The following NAV3 variants were observed in gnomAD, a reference collection of about 807,000 sequenced individuals.
NAV3 encodes the protein pore membrane and/or filament interacting like protein 1.
In NAV3, 87 loss-of-function variants were observed where a neutral mutation model predicts 244.7. The ratio of observed to expected loss-of-function variants is 0.36; its 90% CI spans 0.30 to 0.42. NAV3 has a LOEUF of 0.42. Ranked by LOEUF, NAV3 falls within the 20% of genes least tolerant of loss-of-function variation. The pLI is 1.00. For synonymous variants in NAV3, 1,126 were observed against 1,042.2 expected, an observed-to-expected ratio of 1.08 and a Z score of -1.55; for missense variants, 2,663 against 2,893.3, an observed-to-expected ratio of 0.92 and a Z score of 1.83.
intron 14 of NAV3, among the ~76,000 whole-genome samples, chr12:78,118,619 G>A (rs985724033): frequency 1.3e-5 from 2 of 152,058 alleles, no homozygotes; most frequent in East Asian, 1.9e-4. Context: ...TTTTGTTTTT[G>A]TTCTGCGTTC....
intron 23 of NAV3, among the ~76,000 whole-genome samples, chr12:78,160,495 A>C (rs570429025): frequency 6.6e-5 from 10 of 151,882 alleles, no homozygotes; most frequent in Non-Finnish European, 1.5e-4. Context: ...GAGACCCATT[A>C]TATCAAAAGT....
chr12:77,719,329 C>G (rs912983963), intron 2 of NAV3, among the ~76,000 whole-genome samples: 7 of 151,296 alleles, frequency 4.6e-5, no homozygotes, highest in Non-Finnish European at 8.8e-5. Flanking sequence ...TTTATGAAAA[C>G]TTCCTGTACT....
intron 2 of NAV3, among the ~76,000 whole-genome samples, chr12:77,637,148 GAAAA>G (rs1379153725): frequency 6.6e-6 from 1 of 151,794 alleles, no homozygotes; most frequent in Non-Finnish European, 1.5e-5. Context: ...ATAAAAAAAG[GAAAA>G]ATAAATAAAT....
intron 2 of NAV3, among the ~76,000 whole-genome samples, chr12:77,656,082 G>A (rs1873087400): frequency 6.6e-6 from 1 of 151,328 alleles, no homozygotes; most frequent in African/African-American, 2.4e-5. Flanking sequence ...ACATCATAAT[G>A]AGAGGTTCAA....
At chr12:78,163,278 A>G (rs956887058) in intron 23 of NAV3, among the ~76,000 whole-genome samples, 3 of 152,072 alleles carry the variant, frequency 2.0e-5, no homozygotes, top group Non-Finnish European at 2.9e-5. Context: ...TTCACTCCTA[A>G]CACTTTTCCT....
chr12:77,994,716 T>TAATTCATA, intron 5 of NAV3, 87 bp from the exon 6 acceptor site: 1 of 1,010,822 alleles, frequency 9.9e-7, no homozygotes, highest in Non-Finnish European at 1.5e-6. Flanking sequence ...TGCATTTCAT[T>TAATTCATA]AATTCATAGT....
Position 78,190,217 on chromosome 12 carries a change from A to G in NAV3, c.6289A>G (p.Lys2097Glu). Residue 2097 changes from lysine (K) to glutamate (E), a missense_variant and splice_region_variant, in exon 34 of 40, where the codon AAG becomes GAG. Around this residue, in one of 6 missense-constraint regions of NAV3, gnomAD observed 543 missense variants for 672.4 expected, o/e 0.81. Coordinates refer to ENST00000397909, the MANE Select transcript of NAV3 (RefSeq NM_001024383.2). ...TTTTAATGTGGACCACAAGTCAAGT[A>G]AGGTATGTTACAGAATTCTAAGAGA... is the stretch of plus-strand genomic sequence containing the variant. ...ATFNVDHKSS[K>E]ELQQYLANLA... The G allele has an allele frequency of 6.2e-7, 1 of 1,609,164 alleles. No homozygotes were observed.
chr12:77,758,475 C>A (rs901917130), intron 2 of NAV3, among the ~76,000 whole-genome samples: 1 of 152,160 alleles, frequency 6.6e-6, no homozygotes, highest in African/African-American at 2.4e-5. Flanking sequence ...CCAGAGGAAA[C>A]AAGCACAGGG....
At chr12:77,890,693 G>T (rs941896615) in intron 1 of NAV3, among the ~76,000 whole-genome samples, 4 of 152,112 alleles carry the variant, frequency 2.6e-5, no homozygotes, top group African/African-American at 9.7e-5. Flanking sequence ...AAAATATCCA[G>T]AAATTACAAT....
chr12:77,771,257 G>A lies in NAV3; in HGVS notation c.73-169062G>A, dbSNP rs1462002301. ...TAGAATGGCGATCATTAAAAAGTCA[G>A]GAAACAACAGGTGCTGGAGAGGATG... On this transcript the variant is annotated intron_variant, in intron 2 of 8. Transcript: ENST00000550042. 3.3e-5 allele frequency among the ~76,000 whole-genome samples: 5 copies of A among 152,250 alleles called. No individual in the cohort carries two copies. The East Asian group carries it at 9.7e-4, about 29-fold the overall frequency.
intron 2 of NAV3, among the ~76,000 whole-genome samples, chr12:77,658,020 T>G (rs1190260927): frequency 2.0e-5 from 3 of 151,864 alleles, no homozygotes; most frequent in African/African-American, 7.2e-5. Flanking sequence ...GGGCAAAAAC[T>G]GGAAGCATTC....
At chr12:77,961,750 G>T (rs191947572) in intron 3 of NAV3, among the ~76,000 whole-genome samples, 35 of 137,618 alleles carry the variant, frequency 2.5e-4, no homozygotes, top group Admixed American at 1.4e-3. Context: ...AAGTAGACTG[G>T]GGAGAGAGTG....
chr12:78,158,481 T>C (rs993421080), intron 22 of NAV3, among the ~76,000 whole-genome samples: 2 of 152,138 alleles, frequency 1.3e-5, no homozygotes, highest in Admixed American at 6.6e-5. Context: ...AGTTATGTAC[T>C]ACAATATGTA....
chr12:77,840,306 T>A (rs1469518976), intron 1 of NAV3, among the ~76,000 whole-genome samples: 2 of 152,144 alleles, frequency 1.3e-5, no homozygotes, highest in African/African-American at 2.4e-5. Flanking sequence ...TTGGACTTAC[T>A]CTGTACAGAA....
At chr12:77,659,723 A>G (rs555487029) in intron 2 of NAV3, among the ~76,000 whole-genome samples, 1 of 152,278 alleles carries the variant, frequency 6.6e-6, no homozygotes, top group Non-Finnish European at 1.5e-5. Context: ...ATGTCCAACA[A>G]TGTTAGACTG....
chr12:77,842,555 G>C (rs75135202), intron 1 of NAV3, among the ~76,000 whole-genome samples: 2,465 of 150,570 alleles, frequency 0.016, 64 homozygotes, highest in African/African-American at 0.057. Context: ...AGGAGGCATT[G>C]GCGGGATACT....
At chr12:77,770,222 G>A (rs1434605075) in intron 2 of NAV3, among the ~76,000 whole-genome samples, 2 of 152,116 alleles carry the variant, frequency 1.3e-5, no homozygotes, top group Admixed American at 6.5e-5. Flanking sequence ...ATGACACTGA[G>A]GAGAATATTT....
chr12:77,662,823 A>G (rs1426934412), intron 2 of NAV3, among the ~76,000 whole-genome samples: 1 of 152,154 alleles, frequency 6.6e-6, no homozygotes, highest in Non-Finnish European at 1.5e-5. Context: ...GAAATTGACA[A>G]TTAAATATTA....
At chr12:78,108,276 T>C (rs575855485) in intron 12 of NAV3, among the ~76,000 whole-genome samples, 1 of 152,278 alleles carries the variant, frequency 6.6e-6, no homozygotes, top group African/African-American at 2.4e-5. Context: ...TAAATGTATA[T>C]GCATTCAACA....
Sources: allele counts gnomAD v4.1 joint callset (sites outside exome capture counted in the v4.1 genomes callset), GRCh38; gene constraint gnomAD v4.1.1; regional missense constraint gnomAD v4.1.1; transcripts MANE v1.5; gene names NCBI Gene and HGNC (gene_info 2026-07-23, HGNC 2026-07-21).